Variants in KCNH8 observed in about 807,000 individuals in gnomAD.
KCNH8 encodes the protein voltage-gated delayed rectifier potassium channel KCNH8.
A neutral mutation model predicts 103.6 loss-of-function variants in KCNH8; 70 were observed. The ratio of observed to expected loss-of-function variants is 0.68; its 90% CI spans 0.56 to 0.82. The LOEUF (loss-of-function observed/expected upper bound fraction) is 0.82, where lower values mean the gene tolerates loss of function less well. Ranked by LOEUF, KCNH8 falls within the 40% of genes least tolerant of loss-of-function variation. The probability of loss-of-function intolerance (pLI) is 0.00; values close to 1 mark genes in which losing one functional copy is unlikely to be tolerated. For synonymous variants in KCNH8, 498 were observed against 489.4 expected, an observed-to-expected ratio of 1.02 and a Z score of -0.23; for missense variants, 1,217 against 1,329.9, an observed-to-expected ratio of 0.92 and a Z score of 1.32.
intron 3 of KCNH8, among the ~76,000 whole-genome samples, chr3:19,313,761 G>C (rs1186699655): frequency 6.6e-6 from 1 of 151,368 alleles, no homozygotes. Context: ...GAAGTGTCAT[G>C]CATAAGATTA....
chr3:19,259,063 T>G (rs2064393154), intron 2 of KCNH8, among the ~76,000 whole-genome samples: 1 of 148,928 alleles, frequency 6.7e-6, no homozygotes. Context: ...ATACAACTAT[T>G]TATTTTAAAA....
intron 3 of KCNH8, among the ~76,000 whole-genome samples, chr3:19,284,565 G>C (rs867067912): frequency 6.6e-6 from 1 of 151,234 alleles, no homozygotes; most frequent in African/African-American, 2.4e-5. Flanking sequence ...GGGAGAGAGA[G>C]AGAGAAAGAG....
intron 15 of KCNH8, among the ~76,000 whole-genome samples, chr3:19,521,773 C>G (rs1301395427): frequency 6.6e-6 from 1 of 151,836 alleles, no homozygotes; most frequent in African/African-American, 2.4e-5. Flanking sequence ...TGTAATTGTG[C>G]TACTGTATTA....
intron 1 of KCNH8, among the ~76,000 whole-genome samples, chr3:19,200,379 GAATA>G (rs1241028322): frequency 3.9e-5 from 6 of 151,918 alleles, no homozygotes; most frequent in African/African-American, 1.4e-4. Flanking sequence ...TCTATTAAAT[GAATA>G]AAGTTTATAA....
intron 11 of KCNH8, among the ~76,000 whole-genome samples, chr3:19,479,767 GTTTA>G (rs1355808858): frequency 2.0e-5 from 3 of 152,142 alleles, no homozygotes; most frequent in Admixed American, 1.3e-4. Flanking sequence ...AGAGTCGTGG[GTTTA>G]TTTGTGAGTA....
chr3:19,270,990 G>T (rs1034427664), intron 2 of KCNH8, among the ~76,000 whole-genome samples: 1 of 151,998 alleles, frequency 6.6e-6, no homozygotes, highest in Non-Finnish European at 1.5e-5. Context: ...TTCTTAAAAA[G>T]GACTTGGTCA....
chr3:19,466,219 C>T (rs1343745494), intron 11 of KCNH8, among the ~76,000 whole-genome samples: 1 of 152,164 alleles, frequency 6.6e-6, no homozygotes, highest in African/African-American at 2.4e-5. Flanking sequence ...AGCCACCATA[C>T]CCAGCCAGGA....
chr3:19,483,033 G>A (rs2068121004), intron 11 of KCNH8, among the ~76,000 whole-genome samples: 1 of 150,776 alleles, frequency 6.6e-6, no homozygotes, highest in Non-Finnish European at 1.5e-5. Context: ...TTTTTCAGGG[G>A]GCTATTTTTT....
At chr3:19,518,567 T>C (rs2125246166) in intron 15 of KCNH8, among the ~76,000 whole-genome samples, 1 of 152,140 alleles carries the variant, frequency 6.6e-6, no homozygotes, top group East Asian at 1.9e-4. Context: ...TCTTACTATC[T>C]ATTCATTTTT....
chr3:19,163,538 G>T (rs2063254184), intron 1 of KCNH8, among the ~76,000 whole-genome samples: 1 of 151,892 alleles, frequency 6.6e-6, no homozygotes, highest in Non-Finnish European at 1.5e-5. Flanking sequence ...AGATTGCCAA[G>T]CACAAATTTC....
intron 2 of KCNH8, among the ~76,000 whole-genome samples, chr3:19,275,555 T>C (rs996776863): frequency 6.6e-6 from 1 of 152,150 alleles, no homozygotes; most frequent in African/African-American, 2.4e-5. Flanking sequence ...GCATTGTAGA[T>C]AGATGGTCCC....
chr3:19,501,238 A>C (rs1409307712), intron 11 of KCNH8, among the ~76,000 whole-genome samples: 1 of 152,160 alleles, frequency 6.6e-6, no homozygotes, highest in Admixed American at 6.5e-5. Context: ...AAGAAGTTGA[A>C]TCTCTGAATA....
At chr3:19,400,289 T>C (rs532651444) in intron 7 of KCNH8, among the ~76,000 whole-genome samples, 13 of 131,848 alleles carry the variant, frequency 9.9e-5, no homozygotes, top group African/African-American at 3.8e-4. Flanking sequence ...AGCTGAAATA[T>C]GGAGAAGTGG....
At chr3:19,148,829 T>A in intron 1 of KCNH8, 34 bp downstream of exon 1, 1 of 1,572,162 alleles carries the variant, frequency 6.4e-7, no homozygotes, top group East Asian at 2.2e-5. Flanking sequence ...GGTATGGCAT[T>A]TTCTGAGACT....
At chr3:19,472,978 CTTAT>C (rs1372869395) in intron 11 of KCNH8, among the ~76,000 whole-genome samples, 1 of 152,066 alleles carries the variant, frequency 6.6e-6, no homozygotes, top group Non-Finnish European at 1.5e-5. Context: ...TTTATATTAC[CTTAT>C]TTAATTTAAC....
intron 11 of KCNH8, among the ~76,000 whole-genome samples, chr3:19,490,114 G>A (rs922250623): frequency 2.6e-5 from 4 of 152,206 alleles, no homozygotes; most frequent in East Asian, 1.9e-4. Context: ...GATCTGCATC[G>A]CTCAAGCTGG....
At chr3:19,450,032 CTG>C in intron 8 of KCNH8, 72 bp from the exon 9 acceptor site, 1 of 1,248,584 alleles carries the variant, frequency 8.0e-7, no homozygotes, top group Non-Finnish European at 1.2e-6. Context: ...CCAGGATAAA[CTG>C]TAAATTTAGA....
At chr3:19,163,463 T>C (rs972825671) in intron 1 of KCNH8, among the ~76,000 whole-genome samples, 3 of 152,094 alleles carry the variant, frequency 2.0e-5, no homozygotes, top group Non-Finnish European at 4.4e-5. Context: ...TACCTTATTT[T>C]ATACTCACTT....
Position 19,451,294 on chromosome 3 carries a change from G to A in KCNH8, c.1715G>A (p.Cys572Tyr). 7.4e-6 allele frequency: 12 copies of A among 1,613,946 alleles called. No individual in the cohort carries two copies. Among genetic ancestry groups the A allele is most frequent in the Non-Finnish European group, 1.0e-5 (12 of 1,179,908 alleles). ...TCTCTACACATCAAAACCTCTTTCT[G>A]TGCTCCGGGGGAGTATCTGCTGCGT... ...SLSLHIKTSF[C>Y]APGEYLLRQG... The change falls in exon 10 of 16, where the codon TGT (cysteine) becomes TAT (tyrosine). Residue 572 changes from cysteine (C) to tyrosine (Y), a missense_variant. Cys to Tyr is a radical substitution (Grantham distance 194, BLOSUM62 -2). Around this residue, in one of 3 missense-constraint regions of KCNH8, gnomAD observed 415 missense variants for 577.4 expected, o/e 0.72. Transcript: ENST00000328405.
Sources: allele counts gnomAD v4.1 joint callset (sites outside exome capture counted in the v4.1 genomes callset), GRCh38; gene constraint gnomAD v4.1.1; regional missense constraint gnomAD v4.1.1; transcripts MANE v1.5; gene names NCBI Gene and HGNC (gene_info 2026-07-23, HGNC 2026-07-21).